OTUD4: variants seen among roughly 807,000 people sequenced by gnomAD.
OTUD4 encodes the protein OTU deubiquitinase 4.
In OTUD4, 24 loss-of-function variants were observed where a neutral mutation model predicts 130.4. The observed-to-expected ratio is 0.18, with a 90% CI of 0.13 to 0.26. The LOEUF is 0.26. OTUD4 is among the 10% of genes least tolerant of loss of function. The probability of loss-of-function intolerance (pLI) is 1.00; values close to 1 mark genes in which losing one functional copy is unlikely to be tolerated. For synonymous variants in OTUD4, 420 were observed against 472.5 expected (o/e 0.89, Z 1.44); for missense variants, 1,031 against 1,329.4 (o/e 0.78, Z 3.49).
intron 7 of OTUD4, 99 bp downstream of exon 7, chr4:145,159,404 C>A (rs1751445306): frequency 1.9e-6 from 3 of 1,586,690 alleles, no homozygotes; most frequent in Non-Finnish European, 1.7e-6. Flanking sequence ...ATTAATACCT[C>A]AATATATGTT....
intron 1 of OTUD4, 163 bp downstream of exon 1, chr4:145,179,652 G>A (rs979201657): frequency 2.1e-6 from 3 of 1,402,026 alleles, no homozygotes; most frequent in Non-Finnish European, 2.8e-6. Flanking sequence ...CAGACGCAAA[G>A]CAGCGTCCCA....
At chr4:145,145,932 G>A (rs1030756348) in intron 14 of OTUD4, among the ~76,000 whole-genome samples, 10 of 152,146 alleles carry the variant, frequency 6.6e-5, no homozygotes, top group African/African-American at 2.4e-4. Context: ...CATAGATCTT[G>A]TAATGGATTA....
In OTUD4 at chr4:145,164,732, T is replaced by C. The variant is rs190365322; in HGVS notation, c.341+419A>G. Among the ~76,000 whole-genome samples, 93 of 152,150 alleles carry C rather than the reference T, an allele frequency of 6.1e-4. 1 individual carries two copies. In the East Asian group the frequency reaches 0.016, roughly 26 times the overall value. On this transcript the variant is annotated intron_variant, in intron 4 of 20. Coordinates refer to ENST00000447906, the MANE Select transcript of OTUD4 (RefSeq NM_001366057.1). Reference sequence around the variant, plus strand: ...GGGATGCTCAACTGGGTAAGCATAATGTAAATATTCCAAAATTTAAAAAAA... The same window carrying C: ...GGGATGCTCAACTGGGTAAGCATAACGTAAATATTCCAAAATTTAAAAAAA...
intron 3 of OTUD4, among the ~76,000 whole-genome samples, chr4:145,168,606 A>G (rs897617926): frequency 6.6e-6 from 1 of 152,150 alleles, no homozygotes; most frequent in Non-Finnish European, 1.5e-5. Flanking sequence ...ATGACAAATA[A>G]GCACATGAAA....
rs913169479 is a variant in OTUD4 at position 145,158,023 on chromosome 4, T to A, written c.629+1480A>T. ...CCAATGTCCCCCATGCTCAATGACA[T>A]GGTGCTCAGAGAGAACCGTAAAGCA... On this transcript the variant is annotated intron_variant, in intron 7 of 20. Coordinates refer to ENST00000447906, the MANE Select transcript of OTUD4 (RefSeq NM_001366057.1). Among the ~76,000 whole-genome samples, 5 of 152,368 alleles carry A rather than the reference T, an allele frequency of 3.3e-5. No individual in the cohort carries two copies. The South Asian group carries it at 1.0e-3, about 32-fold the overall frequency.
intron 5 of OTUD4, among the ~76,000 whole-genome samples, chr4:145,163,226 C>T (rs188680424): frequency 1.3e-5 from 2 of 152,086 alleles, no homozygotes; most frequent in African/African-American, 4.8e-5. Context: ...TCCCAGAAAC[C>T]CCAAAACCCT....
intron 7 of OTUD4, among the ~76,000 whole-genome samples, chr4:145,158,009 C>CA (rs546182956): frequency 1.2e-3 from 184 of 152,334 alleles, no homozygotes; most frequent in African/African-American, 4.1e-3. Flanking sequence ...CAATGTCCCC[C>CA]ATGCTCAATG....
intron 4 of OTUD4, 32 bp downstream of exon 4, chr4:145,165,118 AT>A: frequency 7.7e-7 from 1 of 1,301,938 alleles, no homozygotes; most frequent in Non-Finnish European, 1.1e-6. Flanking sequence ...CACTGGTTTC[AT>A]TTTCTTTTAC....
chr4:145,144,287 C>G (rs747952440), intron 15 of OTUD4, 24 bp downstream of exon 15: 1 of 1,602,326 alleles, frequency 6.2e-7, no homozygotes, highest in East Asian at 2.2e-5. Context: ...CTAGCATCTG[C>G]TTTCTAATGA....
At chr4:145,162,915 T>C (rs907347338) in intron 5 of OTUD4, among the ~76,000 whole-genome samples, 194 bp from the exon 6 acceptor site, 1 of 151,972 alleles carries the variant, frequency 6.6e-6, no homozygotes, top group African/African-American at 2.4e-5. Context: ...AAACATTAAA[T>C]CAAAAAATTC....
chr4:145,159,414 T>G, intron 7 of OTUD4, 89 bp downstream of exon 7: 1 of 1,585,156 alleles, frequency 6.3e-7, no homozygotes, highest in South Asian at 1.1e-5. Context: ...CAATATATGT[T>G]ATAGAAAGAC....
At chr4:145,159,312 A>C (rs1369653665) in intron 7 of OTUD4, 191 bp downstream of exon 7, 10 of 1,400,142 alleles carry the variant, frequency 7.1e-6, no homozygotes, top group Non-Finnish European at 9.3e-6. Flanking sequence ...CTTTCAAAAC[A>C]AACAGTCCCA....
chr4:145,151,397 A>T (rs1483895743), intron 11 of OTUD4, among the ~76,000 whole-genome samples: 1 of 152,154 alleles, frequency 6.6e-6, no homozygotes, highest in Non-Finnish European at 1.5e-5. Context: ...GCACTTAGGG[A>T]GGCTGAGGTG....
In OTUD4 at chr4:145,137,671, C is replaced by G. The variant is rs374075307; in HGVS notation, c.3104G>C (p.Arg1035Thr). ...ATAGAACTGCTTGGATCTACCACTT[C>G]TCAAAATATTAGACACTTCATTTTC... ...EDENEVSNIL[R>T]SGRSKQFYNQ... Residue 1035 changes from arginine (R) to threonine (T), a missense_variant, in exon 21 of 21, where the codon AGA becomes ACA. By Grantham distance (71) the Arg-to-Thr change is moderately conservative. Around this residue, in one of 3 missense-constraint regions of OTUD4, gnomAD observed 900 missense variants for 1,095.9 expected, o/e 0.82. Transcript: ENST00000447906. 16 of 1,613,844 alleles carry G rather than the reference C, an allele frequency of 9.9e-6. No homozygotes were observed. The highest frequency in any genetic ancestry group is 1.7e-5 in the Admixed American group (1 of 59,980).
rs544451288 is a variant in OTUD4, at chr4:145,162,277, G to C, written c.496+363C>G. On this transcript the variant is annotated intron_variant, in intron 6 of 20. Coordinates refer to ENST00000447906, the MANE Select transcript of OTUD4 (RefSeq NM_001366057.1). The stretch of plus-strand genomic sequence containing the variant: ...TTTACATTAAGACTGTATAAGGCCG[G>C]GCACGGTAGCTCACGCCTGTAATCC... 9.8e-5 allele frequency among the ~76,000 whole-genome samples: 15 copies of C among 152,300 alleles called. No homozygotes were observed. In the South Asian group the frequency reaches 2.9e-3, roughly 29 times the overall value.
chr4:145,174,226 C>T (rs1292456394), intron 2 of OTUD4, among the ~76,000 whole-genome samples: 2 of 152,170 alleles, frequency 1.3e-5, no homozygotes, highest in Non-Finnish European at 2.9e-5. Context: ...AACTCTTCAC[C>T]TCCCAAAGTA....
rs1750234151 is a variant in OTUD4 at position 145,136,118 on chromosome 4, C to T, written c.*1312G>A. ...TCAACATAATAAAAGAGTGGATTTTCACATTGGTATGCACAAATAAAGAAT... is the reference window on the plus strand; with the variant it reads ...TCAACATAATAAAAGAGTGGATTTTTACATTGGTATGCACAAATAAAGAAT... On this transcript the variant is annotated 3_prime_UTR_variant, in exon 21 of 21. Coordinates refer to ENST00000447906, the MANE Select transcript of OTUD4 (RefSeq NM_001366057.1). The T allele has an allele frequency of 1.3e-5, 2 of 152,548 alleles. No homozygotes were observed. Among genetic ancestry groups the T allele is most frequent in the African/African-American group, 4.8e-5 (2 of 41,428 alleles). 9.4% of individuals were successfully genotyped at this position (152,548 alleles called of 1,614,324 possible).
intron 3 of OTUD4, 94 bp from the exon 4 acceptor site, chr4:145,165,291 T>C (rs1216970773): frequency 1.5e-5 from 11 of 748,560 alleles, no homozygotes; most frequent in Non-Finnish European, 2.3e-5. Flanking sequence ...GCATACGTAA[T>C]GAGTTCTTAA....
intron 14 of OTUD4, 189 bp downstream of exon 14, chr4:145,146,078 T>C: frequency 8.0e-6 from 3 of 376,282 alleles, no homozygotes; most frequent in South Asian, 1.1e-4. Flanking sequence ...CTTTTAGTAA[T>C]ATCTCTAGGT....
Sources: allele counts gnomAD v4.1 joint callset (sites outside exome capture counted in the v4.1 genomes callset), GRCh38; gene constraint gnomAD v4.1.1; regional missense constraint gnomAD v4.1.1; transcripts MANE v1.5; gene names NCBI Gene and HGNC (gene_info 2026-07-23, HGNC 2026-07-21).